PLEK: variants seen among roughly 807,000 people sequenced by gnomAD.
PLEK encodes the protein platelet 47 kDa protein.
PLEK carries 25 observed loss-of-function variants against 43.9 expected under a neutral mutation model. The ratio of observed to expected loss-of-function variants is 0.57; its 90% CI spans 0.41 to 0.79. PLEK has a LOEUF of 0.79. Ranked by LOEUF, PLEK falls within the 30% of genes least tolerant of loss-of-function variation. The pLI is 0.00. For synonymous variants in PLEK, 152 were observed against 144.4 expected (o/e 1.05, Z -0.38); for missense variants, 396 against 413.3 (o/e 0.96, Z 0.36).
rs2103778621 is a variant in PLEK, at chr2:68,386,600, C to T, written c.571C>T (p.Gln191Ter). The T allele has an allele frequency of 6.2e-7, 1 of 1,613,802 alleles. No homozygotes were observed. Among genetic ancestry groups the T allele is most frequent in the Non-Finnish European group, 8.5e-7 (1 of 1,179,706 alleles). The change falls in exon 5 of 9, where the codon CAG (glutamine) becomes TAG (stop). Residue 191 changes from glutamine to a stop codon, truncating the protein, a stop_gained. Coordinates refer to ENST00000234313, the MANE Select transcript of PLEK (RefSeq NM_002664.3). LOFTEE classifies it high-confidence loss of function. ...ASSLLNEGYLQPAGDMSKSAV... is the reference protein window; with the variant it reads ...ASSLLNEGYL The stretch of plus-strand genomic sequence containing the variant: ...ATCGCTGCTCAATGAGGGGTATCTG[C>T]AGCCTGCTGGAGACATGTCCAAGAG...
chr2:68,393,103 T>C (rs559898861), intron 6 of PLEK, 59 bp from the exon 7 acceptor site: 20 of 982,612 alleles, frequency 2.0e-5, no homozygotes, highest in Admixed American at 1.4e-4. Flanking sequence ...AGGTATTGTT[T>C]GTACAGAGTG....
At chr2:68,365,969 C>G (rs1192470468) in intron 1 of PLEK, among the ~76,000 whole-genome samples, 9 of 152,054 alleles carry the variant, frequency 5.9e-5, no homozygotes, top group Admixed American at 5.9e-4. Flanking sequence ...AATGTGGCAT[C>G]GAGGTGGTAG....
At chr2:68,366,645 G>T (rs1673279893) in intron 1 of PLEK, among the ~76,000 whole-genome samples, 1 of 152,178 alleles carries the variant, frequency 6.6e-6, no homozygotes, top group Non-Finnish European at 1.5e-5. Flanking sequence ...GAATAAGTGG[G>T]CCCTCAGCTG....
intron 1 of PLEK, among the ~76,000 whole-genome samples, chr2:68,378,003 A>G (rs944100141): frequency 6.6e-6 from 1 of 152,216 alleles, no homozygotes; most frequent in Non-Finnish European, 1.5e-5. Flanking sequence ...GGGTGGCAAT[A>G]GTTGACAGAG....
At chr2:68,393,042 T>C (rs577257389) in intron 6 of PLEK, 120 bp from the exon 7 acceptor site, 68 of 742,636 alleles carry the variant, frequency 9.2e-5, no homozygotes, top group Admixed American at 6.2e-4. Flanking sequence ...ATCCTGGAGT[T>C]AGTATTTCAT....
chr2:68,367,831 TA>T (rs1352418948), intron 1 of PLEK, among the ~76,000 whole-genome samples: 3 of 152,204 alleles, frequency 2.0e-5, no homozygotes, highest in African/African-American at 7.2e-5. Flanking sequence ...TGGTTTTTGA[TA>T]TTAAAGCATG....
At chr2:68,382,505 TG>T (rs761560214) in intron 3 of PLEK, 36 bp from the exon 4 acceptor site, 14 of 1,203,880 alleles carry the variant, frequency 1.2e-5, no homozygotes, top group South Asian at 3.9e-5. Flanking sequence ...GGTTTTTTTT[TG>T]TTTGTTTGTT....
chr2:68,372,339 A>G (rs1416917895), intron 1 of PLEK, among the ~76,000 whole-genome samples: 1 of 151,786 alleles, frequency 6.6e-6, no homozygotes, highest in Non-Finnish European at 1.5e-5. Flanking sequence ...ACACCCAGCT[A>G]ATTTTTGTAT....
At chr2:68,395,040 G>A (rs186000515) in intron 8 of PLEK, among the ~76,000 whole-genome samples, 19 of 152,120 alleles carry the variant, frequency 1.2e-4, no homozygotes, top group Admixed American at 1.1e-3. Flanking sequence ...GATTTGTGAT[G>A]TTTTAAATCT....
At chr2:68,382,496 G>T (rs956347225) in intron 3 of PLEK, 46 bp from the exon 4 acceptor site, 10 of 1,152,092 alleles carry the variant, frequency 8.7e-6, no homozygotes, top group African/African-American at 1.6e-5. Flanking sequence ...ATCCAACTGG[G>T]TTTTTTTTTG....
intron 1 of PLEK, among the ~76,000 whole-genome samples, chr2:68,379,515 A>G (rs1673570383): frequency 1.3e-5 from 2 of 152,180 alleles, no homozygotes; most frequent in Non-Finnish European, 2.9e-5. Context: ...GACTTCAAAA[A>G]AAGAAAGAAC....
At chr2:68,387,212 G>A (rs1673766014) in intron 5 of PLEK, among the ~76,000 whole-genome samples, 1 of 152,038 alleles carries the variant, frequency 6.6e-6, no homozygotes, top group South Asian at 2.1e-4. Context: ...CACCATGTTG[G>A]CCAGGCTGGT....
At chr2:68,382,956 C>T (rs932889103) in intron 4 of PLEK, among the ~76,000 whole-genome samples, 2 of 152,060 alleles carry the variant, frequency 1.3e-5, no homozygotes, top group Non-Finnish European at 2.9e-5. Context: ...AAGATGCAAC[C>T]CTTACTACAA....
intron 1 of PLEK, among the ~76,000 whole-genome samples, chr2:68,378,361 C>T (rs1673546240): frequency 6.6e-6 from 1 of 152,192 alleles, no homozygotes; most frequent in Non-Finnish European, 1.5e-5. Flanking sequence ...CATTGGATGA[C>T]ATGTCATACA....
chr2:68,380,890 A>C lies in PLEK; in HGVS notation c.366A>C (p.Glu122Asp), dbSNP rs781597163. ...CCAGGAGGTCCATTCGACTGCCAGA[A>C]ACCATTGACTTAGGGTGATTTTCTG... ...KSTRRSIRLP[E>D]TIDLGALYLS... Residue 122 changes from glutamate to aspartate, a missense_variant, in exon 3 of 9, where the codon GAA (glutamate) becomes GAC (aspartate). Coordinates refer to ENST00000234313, the MANE Select transcript of PLEK (RefSeq NM_002664.3). 6.2e-7 allele frequency: 1 copy of C among 1,613,688 alleles called. No homozygotes were observed. The highest frequency in any genetic ancestry group is 1.1e-5 in the South Asian group (1 of 91,060).
rs572234691 is a variant in PLEK at position 68,365,461 on chromosome 2, C to A, written c.42+68C>A. On this transcript the variant is annotated intron_variant, in intron 1 of 8. Coordinates refer to ENST00000234313, the MANE Select transcript of PLEK (RefSeq NM_002664.3). ...CTGGGGAGACTTGGGTTCAGCTCCA[C>A]CGGCTACCTGCTCATCTTAGGAATG... is the stretch of plus-strand genomic sequence containing the variant. 9 of 1,163,484 alleles carry A rather than the reference C, an allele frequency of 7.7e-6. No individual in the cohort carries two copies. The African/African-American group carries it at 1.2e-4, about 16-fold the overall frequency. The allele number at this position is 1,163,484 out of a possible 1,614,324, so 72.1% of individuals were successfully genotyped here. A position where few individuals can be genotyped will look rare whatever the true frequency, so the allele number is the denominator to read the frequency against.
intron 1 of PLEK, 128 bp downstream of exon 1, chr2:68,365,521 G>A (rs1673251585): frequency 2.7e-6 from 2 of 753,792 alleles, no homozygotes; most frequent in Admixed American, 1.9e-5. Flanking sequence ...AAATAGGGGA[G>A]CGTGGTAGCA....
intron 1 of PLEK, among the ~76,000 whole-genome samples, chr2:68,377,256 A>G (rs1673523574): frequency 6.6e-6 from 1 of 152,144 alleles, no homozygotes; most frequent in South Asian, 2.1e-4. Context: ...TCATCCATAT[A>G]CCGATTTCCT....
At chr2:68,384,145 TTTC>T (rs1673688672) in intron 4 of PLEK, among the ~76,000 whole-genome samples, 1 of 150,016 alleles carries the variant, frequency 6.7e-6, no homozygotes, top group African/African-American at 2.4e-5. Context: ...GGCTGGTTTT[TTTC>T]TTCTTGTTCT....
Sources: gnomAD v4.1 joint callset for allele counts (sites outside exome capture counted in the v4.1 genomes callset) on GRCh38, gnomAD v4.1.1 for gene constraint, MANE v1.5 for transcripts, NCBI Gene and HGNC (gene_info 2026-07-23, HGNC 2026-07-21) for gene names.